Variants in MYT1L observed in about 807,000 individuals in gnomAD.
MYT1L encodes the protein myelin transcription factor 1 like.
In MYT1L, 12 loss-of-function variants were observed where a neutral mutation model predicts 126.7. The ratio of observed to expected loss-of-function variants is 0.09; its 90% CI spans 0.06 to 0.15. MYT1L has a LOEUF of 0.15. Among genes scored for constraint, MYT1L ranks in the 10% least tolerant of loss-of-function variants. The probability of loss-of-function intolerance (pLI) is 1.00; values close to 1 mark genes in which losing one functional copy is unlikely to be tolerated. For synonymous variants in MYT1L, 541 were observed against 604.2 expected (o/e 0.90, Z 1.53); for missense variants, 979 against 1,585.2 (o/e 0.62, Z 6.49).
In MYT1L at chr2:1,790,241, C is replaced by T. The variant is rs1363839461; in HGVS notation, c.*1626G>A. ...ATTTTTTTTTTATTTTTACAAAACC[C>T]ATCTTTTTTTTATTTCATAACAAAA... On this transcript the variant is annotated 3_prime_UTR_variant, in exon 25 of 25. Transcript: ENST00000647738. The T allele has an allele frequency of 2.6e-5, 4 of 152,088 alleles. No individual in the cohort carries two copies. In the East Asian group the frequency reaches 7.7e-4, roughly 29 times the overall value. The allele number at this position is 152,088 out of a possible 1,614,324, so 9.4% of individuals were successfully genotyped here.
chr2:2,056,957 G>A (rs1306941486), intron 3 of MYT1L, among the ~76,000 whole-genome samples: 2 of 152,062 alleles, frequency 1.3e-5, no homozygotes, highest in East Asian at 3.9e-4. Flanking sequence ...ACTGTTTTGA[G>A]GTAACTGTAG....
chr2:2,153,125 C>T (rs2086090335), intron 3 of MYT1L, among the ~76,000 whole-genome samples: 1 of 152,120 alleles, frequency 6.6e-6, no homozygotes, highest in Admixed American at 6.5e-5. Flanking sequence ...TAGTGAGTCC[C>T]TGTCTGTACT....
chr2:2,114,937 C>G (rs756612776), intron 3 of MYT1L, among the ~76,000 whole-genome samples: 9 of 152,330 alleles, frequency 5.9e-5, no homozygotes, highest in Middle Eastern at 3.4e-3. Context: ...TCAGAAGATC[C>G]ACCCACTATT....
At chr2:2,260,626 A>G (rs2094939547) in intron 2 of MYT1L, among the ~76,000 whole-genome samples, 1 of 151,786 alleles carries the variant, frequency 6.6e-6, no homozygotes, top group African/African-American at 2.4e-5. Flanking sequence ...ATTTTTTTCT[A>G]TCTTACAGAA....
At chr2:2,298,014 G>T (rs1313651340) in intron 1 of MYT1L, among the ~76,000 whole-genome samples, 2 of 152,198 alleles carry the variant, frequency 1.3e-5, no homozygotes, top group Non-Finnish European at 2.9e-5. Context: ...AGGAAACTAG[G>T]AGAAGCAAAC....
chr2:1,896,906 C>A (rs950351396), intron 14 of MYT1L, among the ~76,000 whole-genome samples: 1 of 152,186 alleles, frequency 6.6e-6, no homozygotes, highest in Non-Finnish European at 1.5e-5. Flanking sequence ...ACTTGAATCA[C>A]CTTAAATTAT....
At chr2:2,204,589 A>G (rs1194831686) in intron 2 of MYT1L, among the ~76,000 whole-genome samples, 2 of 142,952 alleles carry the variant, frequency 1.4e-5, no homozygotes, top group Admixed American at 6.8e-5. Context: ...TTAGAATGGC[A>G]ATCATTAAAA....
chr2:1,936,376 A>G (rs1196020389), intron 9 of MYT1L, among the ~76,000 whole-genome samples: 3 of 152,240 alleles, frequency 2.0e-5, no homozygotes, highest in African/African-American at 4.8e-5. Flanking sequence ...TTAAAATCAT[A>G]TATTGACACC....
intron 4 of MYT1L, among the ~76,000 whole-genome samples, chr2:2,016,246 G>A (rs993803229): frequency 1.1e-4 from 16 of 152,338 alleles, no homozygotes; most frequent in African/African-American, 2.6e-4. Context: ...GCACAGACAC[G>A]TGATATGCCA....
chr2:2,171,215 A>G (rs1260201440), intron 3 of MYT1L, among the ~76,000 whole-genome samples: 1 of 152,190 alleles, frequency 6.6e-6, no homozygotes, highest in East Asian at 1.9e-4. Context: ...ACATCTCTCA[A>G]AATCAAAGGT....
chr2:2,190,777 T>A (rs1453875904), intron 2 of MYT1L, among the ~76,000 whole-genome samples: 1 of 152,148 alleles, frequency 6.6e-6, no homozygotes, highest in African/African-American at 2.4e-5. Flanking sequence ...TATGGCAGGT[T>A]CTTATGTGTC....
chr2:2,047,345 G>A lies in MYT1L; in HGVS notation c.-158+6633C>T, dbSNP rs114922348. 3.6e-3 allele frequency among the ~76,000 whole-genome samples: 554 copies of A among 152,172 alleles called. 1 individual carries two copies. The highest frequency in any genetic ancestry group is 7.5e-3 in the South Asian group (36 of 4,820). Reference sequence around the variant, plus strand: ...TATGAAAGATACCTATGATATTAACGCTAACATGATTTTTATCCTGGTCAA... The same window carrying A: ...TATGAAAGATACCTATGATATTAACACTAACATGATTTTTATCCTGGTCAA... On this transcript the variant is annotated intron_variant, in intron 4 of 24. Transcript: ENST00000647738.
chr2:2,316,104 C>T (rs1336557031), intron 1 of MYT1L, among the ~76,000 whole-genome samples: 4 of 152,164 alleles, frequency 2.6e-5, no homozygotes, highest in Admixed American at 1.3e-4. Context: ...CCTTTGACTC[C>T]GGTCAAGAGT....
chr2:2,033,244 G>A (rs1235042665), intron 4 of MYT1L, among the ~76,000 whole-genome samples: 1 of 144,008 alleles, frequency 6.9e-6, no homozygotes, highest in Non-Finnish European at 1.5e-5. Context: ...CTAGATGGAG[G>A]GCCTTACACA....
intron 3 of MYT1L, among the ~76,000 whole-genome samples, chr2:2,138,455 C>A (rs2083389267): frequency 7.0e-6 from 1 of 142,654 alleles, no homozygotes. Flanking sequence ...AAATGTCCAA[C>A]AATGATAGAC....
At chr2:2,187,404 C>G (rs945520645) in intron 2 of MYT1L, among the ~76,000 whole-genome samples, 1 of 151,954 alleles carries the variant, frequency 6.6e-6, no homozygotes, top group African/African-American at 2.4e-5. Context: ...TTCTTTCATT[C>G]GCCGTCAACA....
intron 3 of MYT1L, among the ~76,000 whole-genome samples, chr2:2,133,844 C>T (rs918426433): frequency 6.6e-6 from 1 of 152,086 alleles, no homozygotes; most frequent in African/African-American, 2.4e-5. Context: ...TGCTTAGGGA[C>T]ACACCACATG....
chr2:2,109,180 T>C (rs1003641422), intron 3 of MYT1L, among the ~76,000 whole-genome samples: 1 of 152,214 alleles, frequency 6.6e-6, no homozygotes, highest in Non-Finnish European at 1.5e-5. Flanking sequence ...ATATAAAGAT[T>C]TTTCCTCAAT....
chr2:1,886,469 A>T (rs2048185309), intron 18 of MYT1L, 70 bp downstream of exon 18: 8 of 1,165,714 alleles, frequency 6.9e-6, no homozygotes, highest in Admixed American at 2.6e-5. Flanking sequence ...TGCAAATGAC[A>T]TATCATTTTT....
Sources: allele counts gnomAD v4.1 joint callset (sites outside exome capture counted in the v4.1 genomes callset), GRCh38; gene constraint gnomAD v4.1.1; transcripts MANE v1.5; gene names NCBI Gene and HGNC (gene_info 2026-07-23, HGNC 2026-07-21).